The following ADCY4 variants were observed in gnomAD, a reference collection of about 807,000 sequenced individuals.
ADCY4 encodes the protein adenylate cyclase type 4.
In ADCY4, 111 loss-of-function variants were observed where a neutral mutation model predicts 125.5. The ratio of observed to expected loss-of-function variants is 0.88; its 90% confidence interval spans 0.76 to 1.04. The LOEUF is 1.04. Ranked by LOEUF, ADCY4 falls within the 50% of genes least tolerant of loss-of-function variation. The pLI is 0.00. For synonymous variants in ADCY4, 576 were observed against 586.9 expected (o/e 0.98, Z 0.27); for missense variants, 1,256 against 1,382.9 (o/e 0.91, Z 1.46).
chr14:24,331,208 C>T lies in ADCY4; in HGVS notation c.818G>A (p.Ser273Asn). 2 of 1,614,186 alleles carry T rather than the reference C, an allele frequency of 1.2e-6. No individual in the cohort carries two copies. The highest frequency in any genetic ancestry group is 1.7e-6 in the Non-Finnish European group (2 of 1,180,018). ...CCCCTCCAGCCATTCTTCCTCATAC[C>T]TGACTCCCTGGTGCCTCTTGACATA... ...SLYVKRHQGV[S>N]VLYADIVGFT... Residue 273 changes from serine to asparagine, a missense_variant and splice_region_variant, in exon 5 of 25, where the codon AGC becomes AAC. Transcript: ENST00000418030.
intron 9 of ADCY4, 68 bp downstream of exon 9, chr14:24,329,333 A>T: frequency 1.3e-6 from 2 of 1,563,012 alleles, no homozygotes; most frequent in Non-Finnish European, 1.7e-6. Context: ...GGCACAGAAG[A>T]GATCAGGCCT....
chr14:24,332,665 C>A lies in ADCY4; in HGVS notation c.376G>T (p.Val126Phe). Residue 126 changes from valine (V) to phenylalanine (F), a missense_variant, in exon 3 of 25, where the codon GTC becomes TTC. Physicochemically the swap from Val to Phe is conservative, Grantham distance 50 (BLOSUM62 -1). Coordinates refer to ENST00000418030, the MANE Select transcript of ADCY4 (RefSeq NM_001198568.2). Reference sequence around the variant, plus strand: ...AGCATGGCATACGCCGTGAAGATGACGAAGAGAAAATAGGACACCTGGGGG... The same window carrying A: ...AGCATGGCATACGCCGTGAAGATGAAGAAGAGAAAATAGGACACCTGGGGG... ...AWDQVSYFLF[V>F]IFTAYAMLPL... 6.3e-7 allele frequency: 1 copy of A among 1,589,550 alleles called. No individual in the cohort carries two copies. Among genetic ancestry groups the A allele is most frequent in the Non-Finnish European group, 8.6e-7 (1 of 1,168,308 alleles).
chr14:24,321,311 C>T (rs2041848443), intron 20 of ADCY4, among the ~76,000 whole-genome samples: 1 of 151,700 alleles, frequency 6.6e-6, no homozygotes, highest in Non-Finnish European at 1.5e-5. Flanking sequence ...ATCCCAGCTA[C>T]CTGGGAGGCT....
At chr14:24,324,505 T>C (rs2041909853) in intron 14 of ADCY4, 114 bp from the exon 15 acceptor site, 25 of 1,264,834 alleles carry the variant, frequency 2.0e-5, no homozygotes, top group Non-Finnish European at 2.7e-5. Context: ...GGAATCTGGG[T>C]TGGCTGGCGA....
Position 24,318,397 on chromosome 14 carries a change from T to C in ADCY4, c.*19A>G. 1 of 1,612,638 alleles carries C rather than the reference T, an allele frequency of 6.2e-7. No individual in the cohort carries two copies. The highest frequency in any genetic ancestry group is 8.5e-7 in the Non-Finnish European group (1 of 1,179,080). On this transcript the variant is annotated 3_prime_UTR_variant, in exon 25 of 25. Transcript: ENST00000418030. The stretch of plus-strand genomic sequence containing the variant: ...CCCCAGAGTCTCTTTATTGAGGTTC[T>C]TAGAAGGCGAGTGCAATCTCAGCCT...
At chr14:24,318,826 G>A (rs767553961) in intron 23 of ADCY4, 48 bp from the exon 24 acceptor site, 20 of 1,611,698 alleles carry the variant, frequency 1.2e-5, no homozygotes, top group Admixed American at 8.3e-5. Context: ...AAGAGGGGAA[G>A]AGGAAGCCAC....
At chr14:24,330,372 C>G (rs12436417) in intron 6 of ADCY4, 77 bp from the exon 7 acceptor site, 469,944 of 1,596,798 alleles carry the variant, frequency 0.29, 71,037 homozygotes, top group Admixed American at 0.44. Flanking sequence ...GAAAAGTGGG[C>G]AGCGAGCGGG....
chr14:24,331,663 A>G, intron 4 of ADCY4, 125 bp downstream of exon 4: 3 of 1,337,648 alleles, frequency 2.2e-6, no homozygotes, highest in Non-Finnish European at 3.0e-6. Flanking sequence ...CCCACATTTT[A>G]TACAAAAGAG....
At chr14:24,318,624 C>T (rs749148786) in intron 24 of ADCY4, 30 bp downstream of exon 24, 1 of 1,614,088 alleles carries the variant, frequency 6.2e-7, no homozygotes, top group Non-Finnish European at 8.5e-7. Flanking sequence ...TAGTCCCCCT[C>T]CCCCTATGCC....
In ADCY4 at chr14:24,322,653, AG is replaced by A; in HGVS notation, c.2397del (p.Phe800SerfsTer25). On this transcript the variant is annotated frameshift_variant, in exon 19 of 25. Transcript: ENST00000418030. LOFTEE classifies it high-confidence loss of function. The stretch of plus-strand genomic sequence containing the variant: ...CGAGCCAGGACAAGGAGGGTGAAGA[AG>A]AAGATGAAGAAGGAGATAGCACCCA... ...KLMGAISFFI[F>X]FFTLLVLARQ... 1 of 1,614,176 alleles carries A rather than the reference AG, an allele frequency of 6.2e-7. No homozygotes were observed. The highest frequency in any genetic ancestry group is 8.5e-7 in the Non-Finnish European group (1 of 1,180,020).
At chr14:24,333,545 A>G (rs2042084579) in intron 1 of ADCY4, among the ~76,000 whole-genome samples, 1 of 152,164 alleles carries the variant, frequency 6.6e-6, no homozygotes, top group Non-Finnish European at 1.5e-5. Flanking sequence ...TGTCCAACCT[A>G]TTATCTTGCT....
At position 24,319,758 on chromosome 14, in the gene ADCY4, A is replaced by G. The variant is rs764754034; in HGVS notation, c.2717T>C (p.Ile906Thr). The G allele has an allele frequency of 4.3e-6, 7 of 1,614,152 alleles. No individual in the cohort carries two copies. The highest frequency in any genetic ancestry group is 2.2e-5 in the East Asian group (1 of 44,878). ...AATTTTCACCTCATCAAAATCAGCA[A>G]TTATCTCATTGAGCAGCCTCAGACA... ...LECLRLLNEI[I>T]ADFDELLSKP... Residue 906 changes from isoleucine (I) to threonine (T), a missense_variant, in exon 21 of 25, where the codon ATT becomes ACT. Transcript: ENST00000418030. This position sits in a 1 kb window ranked among gnomAD's most constrained non-coding sequence, Gnocchi z 4.5.
At chr14:24,333,445 G>A (rs927060460) in intron 1 of ADCY4, among the ~76,000 whole-genome samples, 7 of 151,934 alleles carry the variant, frequency 4.6e-5, no homozygotes, top group African/African-American at 1.2e-4. Flanking sequence ...GCCCAGGCTG[G>A]TCTCGAGCTC....
chr14:24,326,518 G>A, intron 10 of ADCY4, 176 bp from the exon 11 acceptor site: 1 of 709,918 alleles, frequency 1.4e-6, no homozygotes, highest in Non-Finnish European at 2.4e-6. Context: ...CCTTGAAGGG[G>A]AGGTTTGAAT....
At chr14:24,322,325 C>T (rs541373855) in intron 19 of ADCY4, 101 bp from the exon 20 acceptor site, 3 of 1,349,994 alleles carry the variant, frequency 2.2e-6, no homozygotes, top group South Asian at 1.4e-5. Context: ...CCACCCCCAC[C>T]CCACCCCCAG....
Position 24,324,403 on chromosome 14 carries a change from C to A in ADCY4, c.1824-12G>T, listed in dbSNP as rs763008596. On this transcript the variant is annotated splice_polypyrimidine_tract_variant and intron_variant, in intron 14 of 24. Transcript: ENST00000418030. The stretch of plus-strand genomic sequence containing the variant: ...CCAGAGCTGGGGGCCTGAAGGGAGA[C>A]AAAAGCGAGGCCTTGAAGTGCCAGA... 1 of 1,608,312 alleles carries A rather than the reference C, an allele frequency of 6.2e-7. No homozygotes were observed. The highest frequency in any genetic ancestry group is 8.5e-7 in the Non-Finnish European group (1 of 1,174,702).
intron 14 of ADCY4, among the ~76,000 whole-genome samples, chr14:24,324,786 C>G (rs552170888): frequency 2.0e-5 from 3 of 151,914 alleles, no homozygotes; most frequent in Admixed American, 2.0e-4. Context: ...TCACTGCAAA[C>G]TCCGCCTCCC....
intron 16 of ADCY4, 99 bp from the exon 17 acceptor site, chr14:24,323,553 A>G: frequency 4.6e-6 from 7 of 1,508,030 alleles, no homozygotes; most frequent in Non-Finnish European, 5.3e-6. Context: ...TCAGGGGAAG[A>G]CTCGTCCAAA....
At chr14:24,325,931 G>A (rs371960429) in intron 12 of ADCY4, 44 bp from the exon 13 acceptor site, 17 of 1,576,478 alleles carry the variant, frequency 1.1e-5, no homozygotes, top group Non-Finnish European at 1.5e-5. Flanking sequence ...AGAGAACAGA[G>A]GGCACAGAAG....
Sources: gnomAD v4.1 joint callset for allele counts (sites outside exome capture counted in the v4.1 genomes callset) on GRCh38, gnomAD v4.1.1 for gene constraint, Gnocchi (gnomAD v3.1) non-coding constraint, MANE v1.5 for transcripts, NCBI Gene and HGNC (gene_info 2026-07-23, HGNC 2026-07-21) for gene names.